Variants in INO80D observed in about 807,000 individuals in gnomAD.
The protein encoded by INO80D is INO80 complex subunit D.
A neutral mutation model predicts 87.6 loss-of-function variants in INO80D; 21 were observed. The observed-to-expected ratio is 0.24, with a 90% CI of 0.17 to 0.35. The LOEUF (loss-of-function observed/expected upper bound fraction) is 0.35. Ranked by LOEUF, INO80D falls within the 10% of genes least tolerant of loss-of-function variation. The pLI, the probability that INO80D is intolerant of heterozygous loss-of-function variation, is 1.00. For missense variants in INO80D, 982 were observed against 1,280.7 expected (o/e 0.77, Z 3.56); for synonymous variants, 440 against 491.0 (o/e 0.90, Z 1.37).
At chr2:206,019,650 T>G in intron 7 of INO80D, 86 bp downstream of exon 7, 1 of 874,320 alleles carries the variant, frequency 1.1e-6, no homozygotes, top group Non-Finnish European at 1.8e-6. Context: ...GTTTCAAAAG[T>G]CATTCACTTG....
chr2:206,023,979 A>C (rs1688536335), intron 6 of INO80D, among the ~76,000 whole-genome samples: 1 of 152,208 alleles, frequency 6.6e-6, no homozygotes, highest in Non-Finnish European at 1.5e-5. Context: ...AATTTTCCCA[A>C]ACTCATTGTA....
rs773641858 is a variant in INO80D, at chr2:206,019,718, A to G, written c.1408+18T>C. On this transcript the variant is annotated intron_variant, in intron 7 of 10. Coordinates refer to ENST00000403263, the MANE Select transcript of INO80D (RefSeq NM_017759.5). The stretch of plus-strand genomic sequence containing the variant: ...GTAGTACTTTTTCAATGCACATTCC[A>G]TTTAGTTGAAAGGATACGTTGGAAA... 2.0e-5 allele frequency: 32 copies of G among 1,592,742 alleles called. No individual in the cohort carries two copies. Among genetic ancestry groups the G allele is most frequent in the Middle Eastern group, 1.7e-4 (1 of 6,050 alleles).
chr2:206,076,416 G>A (rs1409423024), intron 1 of INO80D, among the ~76,000 whole-genome samples: 1 of 152,018 alleles, frequency 6.6e-6, no homozygotes, highest in East Asian at 1.9e-4. Context: ...AATGTAATAA[G>A]ACACTAAACA....
intron 7 of INO80D, among the ~76,000 whole-genome samples, chr2:206,018,234 G>A (rs577792726): frequency 5.3e-5 from 8 of 152,110 alleles, no homozygotes; most frequent in African/African-American, 9.7e-5. Context: ...TCGGCCTCCC[G>A]GGTTCAAGCA....
chr2:206,042,557 C>A (rs1181975095), intron 5 of INO80D, among the ~76,000 whole-genome samples: 8 of 151,810 alleles, frequency 5.3e-5, no homozygotes, highest in African/African-American at 1.9e-4. Context: ...TGGCTGGCGC[C>A]TGTAATCCTG....
At chr2:206,040,753 A>C (rs1020871541) in intron 5 of INO80D, 8 of 288,078 alleles carry the variant, frequency 2.8e-5, no homozygotes, top group Non-Finnish European at 5.9e-5. Context: ...TCCTGCTCTT[A>C]AACACAAGTC....
chr2:206,046,123 C>T lies in INO80D; in HGVS notation c.1073+381G>A, dbSNP rs549386559. Among the ~76,000 whole-genome samples the T allele has an allele frequency of 7.9e-4, 120 of 152,162 alleles. 3 individuals carry two copies. In the South Asian group the frequency reaches 0.024, roughly 31 times the overall value. ...TACTCCCAAGTGGAATCTATTTTAC[C>T]ACCAATTTTTTAGAGTGAAGTCTTT... On this transcript the variant is annotated intron_variant, in intron 5 of 10. Transcript: ENST00000403263.
Position 206,004,396 on chromosome 2 carries a change from G to A in INO80D, c.3056C>T (p.Ala1019Val). Reference protein sequence around the residue: ...TGATATSTNNASSPFPSPN With the variant: ...TGATATSTNNVSSPFPSPN ...GTTAGGGGAGGGAAAGGGAGAAGATGCATTATTGGTACTTGTAGCTGTGGC... is the reference window on the plus strand; with the variant it reads ...GTTAGGGGAGGGAAAGGGAGAAGATACATTATTGGTACTTGTAGCTGTGGC... The change falls in exon 11 of 11, where the codon GCA (alanine) becomes GTA (valine). Residue 1019 changes from alanine (A) to valine (V), a missense_variant. Physicochemically the swap from Ala to Val is moderately conservative, Grantham distance 64. Transcript: ENST00000403263. This position sits in a 1 kb window ranked among gnomAD's most constrained non-coding sequence, Gnocchi z 4.9. The A allele has an allele frequency of 1.3e-6, 2 of 1,599,838 alleles. No individual in the cohort carries two copies. The highest frequency in any genetic ancestry group is 1.1e-5 in the South Asian group (1 of 88,272).
chr2:206,017,873 T>C, intron 7 of INO80D, 60 bp from the exon 8 acceptor site: 6 of 1,485,876 alleles, frequency 4.0e-6, no homozygotes, highest in Non-Finnish European at 5.5e-6. Context: ...AATTTCTATA[T>C]AAAATTTGCT....
intron 7 of INO80D, among the ~76,000 whole-genome samples, chr2:206,018,493 T>TTAAA: frequency 6.6e-6 from 1 of 152,320 alleles, no homozygotes; most frequent in Non-Finnish European, 1.5e-5. Flanking sequence ...ATTTTCTGCC[T>TTAAA]ATGATACTTA....
intron 8 of INO80D, among the ~76,000 whole-genome samples, chr2:206,013,848 TAA>T (rs34453361): frequency 0.33 from 38,880 of 117,516 alleles, 5,792 homozygotes; most frequent in Admixed American, 0.41. Context: ...TGAGTAAGCT[TAA>T]AAAAAAAAAA....
At position 205,994,690 on chromosome 2, in the gene INO80D, T is replaced by G. The variant is rs1687776788; in HGVS notation, c.*9678A>C. 6.6e-6 allele frequency: 1 copy of G among 152,148 alleles called. No homozygotes were observed. Among genetic ancestry groups the G allele is most frequent in the Non-Finnish European group, 1.5e-5 (1 of 68,030 alleles). 9.4% of individuals were successfully genotyped at this position (152,148 alleles called of 1,614,324 possible). A position where few individuals can be genotyped will look rare whatever the true frequency, so the allele number is the denominator to read the frequency against. ...ACAATTTAGGATTGTCCATCTACCTTCCTCTCTCTGCAAGTTCTTGAGATG... is the reference window on the plus strand; with the variant it reads ...ACAATTTAGGATTGTCCATCTACCTGCCTCTCTCTGCAAGTTCTTGAGATG... On this transcript the variant is annotated 3_prime_UTR_variant, in exon 11 of 11. Coordinates refer to ENST00000403263, the MANE Select transcript of INO80D (RefSeq NM_017759.5).
At chr2:206,037,140 C>G (rs1345560174) in intron 5 of INO80D, among the ~76,000 whole-genome samples, 1 of 152,152 alleles carries the variant, frequency 6.6e-6, no homozygotes, top group Non-Finnish European at 1.5e-5. Context: ...GAGAGATACA[C>G]CTGGCCTACC....
At chr2:206,024,951 T>C (rs1688564014) in intron 6 of INO80D, among the ~76,000 whole-genome samples, 1 of 151,956 alleles carries the variant, frequency 6.6e-6, no homozygotes. Context: ...AGACAAGGCT[T>C]CACTATGTTG....
At chr2:206,030,573 C>T (rs1211819787) in intron 5 of INO80D, among the ~76,000 whole-genome samples, 1 of 151,988 alleles carries the variant, frequency 6.6e-6, no homozygotes, top group East Asian at 1.9e-4. Flanking sequence ...TAAGCCAAGA[C>T]ACACAAGACA....
chr2:206,046,964 AGAGACAGG>A (rs1334898004), intron 4 of INO80D, among the ~76,000 whole-genome samples: 1 of 152,152 alleles, frequency 6.6e-6, no homozygotes, highest in Non-Finnish European at 1.5e-5. Context: ...TATTTTTAGT[AGAGACAGG>A]GTTTCACCAT....
At chr2:206,054,273 C>T (rs757404122) in intron 4 of INO80D, among the ~76,000 whole-genome samples, 43 of 151,790 alleles carry the variant, frequency 2.8e-4, no homozygotes, top group Non-Finnish European at 5.6e-4. Flanking sequence ...CCTCCCACCT[C>T]GGCCTCCCAA....
intron 1 of INO80D, among the ~76,000 whole-genome samples, chr2:206,074,145 A>G (rs2105904773): frequency 6.6e-6 from 1 of 152,318 alleles, no homozygotes; most frequent in East Asian, 1.9e-4. Flanking sequence ...AAACAGACCT[A>G]TGCTCCCTTA....
intron 1 of INO80D, among the ~76,000 whole-genome samples, chr2:206,084,290 G>GT (rs1690374015): frequency 1.3e-5 from 2 of 149,168 alleles, no homozygotes; most frequent in African/African-American, 5.0e-5. Context: ...AACCAAAGTA[G>GT]TTTTGCTAGG....
Sources: gnomAD v4.1 joint callset for allele counts (sites outside exome capture counted in the v4.1 genomes callset) on GRCh38, gnomAD v4.1.1 for gene constraint, Gnocchi (gnomAD v3.1) non-coding constraint, MANE v1.5 for transcripts, NCBI Gene and HGNC (gene_info 2026-07-23, HGNC 2026-07-21) for gene names.